KANSL1L: variants seen among roughly 807,000 people sequenced by gnomAD.
KANSL1L encodes KAT8 regulatory NSL complex subunit 1 like.
In KANSL1L, 25 loss-of-function variants were observed where a neutral mutation model predicts 108.6. That is an observed-to-expected ratio of 0.23 (90% CI 0.17 to 0.32). The LOEUF is 0.32. KANSL1L is among the 10% of genes least tolerant of loss of function. The pLI, the probability that KANSL1L is intolerant of heterozygous loss-of-function variation, is 1.00. For missense variants in KANSL1L, 1,137 were observed against 1,125.7 expected, an observed-to-expected ratio of 1.01 and a Z score of -0.14; for synonymous variants, 405 against 395.1, an observed-to-expected ratio of 1.03 and a Z score of -0.30.
At chr2:210,079,896 G>A (rs1575489946) in intron 5 of KANSL1L, 1 of 147,846 alleles carries the variant, frequency 6.8e-6, no homozygotes, top group South Asian at 2.1e-4. Context: ...AACATAACTT[G>A]TTCTGAAAAG....
intron 6 of KANSL1L, among the ~76,000 whole-genome samples, chr2:210,057,590 A>G (rs375927091): frequency 2.0e-5 from 3 of 152,044 alleles, no homozygotes; most frequent in African/African-American, 7.2e-5. Flanking sequence ...AGTCCCAGCT[A>G]CTCGGGAGGC....
intron 5 of KANSL1L, among the ~76,000 whole-genome samples, chr2:210,093,542 T>G (rs771214705): frequency 6.6e-6 from 1 of 152,130 alleles, no homozygotes; most frequent in Non-Finnish European, 1.5e-5. Flanking sequence ...CCAAAAGATA[T>G]CAAAACTTCA....
rs765933021 is a variant in KANSL1L, at chr2:210,025,074, A to G, written c.2564+30T>C. 13 of 1,363,722 alleles carry G rather than the reference A, an allele frequency of 9.5e-6. 1 individual carries two copies. Among genetic ancestry groups the G allele is most frequent in the South Asian group, 7.0e-5 (6 of 86,134 alleles). 84.5% of individuals were successfully genotyped at this position (1,363,722 alleles called of 1,614,324 possible). A position where few individuals can be genotyped will look rare whatever the true frequency, so the allele number is the denominator to read the frequency against. ...GTTTTGTTCATTTCACATGGATTCT[A>G]TGGCTTGGGGTTTTAAATTTGTAAC... On this transcript the variant is annotated intron_variant, in intron 13 of 14. Coordinates refer to ENST00000281772, the MANE Select transcript of KANSL1L (RefSeq NM_152519.4).
At chr2:210,074,943 G>A (rs893627923) in intron 6 of KANSL1L, among the ~76,000 whole-genome samples, 4 of 152,080 alleles carry the variant, frequency 2.6e-5, no homozygotes, top group African/African-American at 9.7e-5. Flanking sequence ...TGGTTTAGAA[G>A]TACACTAAAG....
At chr2:210,125,255 A>T (rs919085903) in intron 3 of KANSL1L, among the ~76,000 whole-genome samples, 3 of 152,072 alleles carry the variant, frequency 2.0e-5, no homozygotes, top group Admixed American at 6.6e-5. Flanking sequence ...ACTCCAACTC[A>T]AAAGAAAAGA....
chr2:210,099,530 T>A (rs1559554599), intron 4 of KANSL1L, among the ~76,000 whole-genome samples: 1 of 152,210 alleles, frequency 6.6e-6, no homozygotes, highest in East Asian at 1.9e-4. Context: ...AAATTATTAC[T>A]CAGTTTTTAG....
At chr2:210,100,670 G>A (rs148161754) in intron 4 of KANSL1L, among the ~76,000 whole-genome samples, 41 of 152,212 alleles carry the variant, frequency 2.7e-4, no homozygotes, top group African/African-American at 8.4e-4. Context: ...ACAGTGTCTC[G>A]TTCTGTCATC....
In KANSL1L at chr2:210,129,058, G is replaced by A. The variant is rs1452680204; in HGVS notation, c.1203C>T (p.Asp401=). Residue 401 remains aspartate, a synonymous_variant, in exon 3 of 15, where the codon GAC becomes GAT. Transcript: ENST00000281772. ...DLECKIQQLT[D]IHRQIRASKG... is the part of the protein sequence containing the mutation. ...TGGAGGCACGAATTTGCCTGTGAAT[G>A]TCTGTTAGTTGTTGGATTTTGCATT... The A allele has an allele frequency of 1.6e-5, 26 of 1,613,744 alleles. No homozygotes were observed. The highest frequency in any genetic ancestry group is 1.2e-5 in the Non-Finnish European group (14 of 1,179,806).
chr2:210,141,280 T>C (rs1029601114), intron 2 of KANSL1L, among the ~76,000 whole-genome samples: 2 of 152,048 alleles, frequency 1.3e-5, no homozygotes, highest in Admixed American at 1.3e-4. Context: ...CCAGTATATG[T>C]TGAATAGATT....
intron 5 of KANSL1L, chr2:210,096,289 A>C (rs929715297): frequency 6.4e-6 from 1 of 155,206 alleles, no homozygotes; most frequent in African/African-American, 2.4e-5. Context: ...GCCAGTATTC[A>C]AACAACTACA....
chr2:210,142,594 G>A (rs1364866978), intron 2 of KANSL1L, among the ~76,000 whole-genome samples: 1 of 152,030 alleles, frequency 6.6e-6, no homozygotes, highest in East Asian at 1.9e-4. Context: ...TTTCAATGTA[G>A]GTGTTTATTG....
intron 5 of KANSL1L, among the ~76,000 whole-genome samples, chr2:210,094,727 A>G (rs2094720906): frequency 1.3e-5 from 2 of 152,216 alleles, no homozygotes; most frequent in East Asian, 3.9e-4. Context: ...TATTTTATAG[A>G]AAGTTCAATT....
At chr2:210,032,574 AGACT>A (rs1208900012) in intron 8 of KANSL1L, 1 of 152,272 alleles carries the variant, frequency 6.6e-6, no homozygotes. Flanking sequence ...TATCTCAGTC[AGACT>A]AACAGAATCA....
chr2:210,079,644 A>ATATATATGTGTG (rs1553653225), intron 5 of KANSL1L, among the ~76,000 whole-genome samples: 7 of 8,982 alleles, frequency 7.8e-4, no homozygotes, highest in Non-Finnish European at 2.3e-3. Flanking sequence ...ATATATATAT[A>ATATATATGTGTG]TATATATATA....
In KANSL1L at chr2:210,104,225, G is replaced by C; in HGVS notation, c.1307C>G (p.Ala436Gly). ...KKQMQFADQA[A>G]SLNILGNPQV... ...AGGATTCCCTAGAATGTTTAGTGAA[G>C]CTGCTTGGTCTGCAAATTGCATTTG... Residue 436 changes from alanine to glycine, a missense_variant, in exon 4 of 15, where the codon GCT (alanine) becomes GGT (glycine). This residue lies in a region of KANSL1L where 556 missense variants were observed against 537.7 expected (regional missense o/e 1.03). Transcript: ENST00000281772. The C allele has an allele frequency of 6.2e-7, 1 of 1,613,822 alleles. No homozygotes were observed. The highest frequency in any genetic ancestry group is 8.5e-7 in the Non-Finnish European group (1 of 1,179,784).
chr2:210,171,595 G>A (rs1688346827), upstream of KANSL1L: 1 of 152,294 alleles, frequency 6.6e-6, no homozygotes, highest in Admixed American at 6.5e-5. Flanking sequence ...CGGCTCCCTC[G>A]GGACGGGTTC....
At chr2:210,103,331 A>G (rs1430030657) in intron 4 of KANSL1L, among the ~76,000 whole-genome samples, 2 of 149,842 alleles carry the variant, frequency 1.3e-5, no homozygotes, top group African/African-American at 4.9e-5. Flanking sequence ...GGGGTGGGGG[A>G]AGGGGGGAGG....
intron 8 of KANSL1L, among the ~76,000 whole-genome samples, chr2:210,034,969 A>G (rs1433219071): frequency 6.6e-6 from 1 of 152,184 alleles, no homozygotes; most frequent in Non-Finnish European, 1.5e-5. Context: ...CAGACCACAA[A>G]TGAAATTTAG....
At chr2:210,061,259 C>A (rs577767301) in intron 6 of KANSL1L, among the ~76,000 whole-genome samples, 1 of 152,144 alleles carries the variant, frequency 6.6e-6, no homozygotes, top group Non-Finnish European at 1.5e-5. Context: ...CAACCCGCTT[C>A]TATAGAAAGT....
Sources: gnomAD v4.1 joint callset for allele counts (sites outside exome capture counted in the v4.1 genomes callset) on GRCh38, gnomAD v4.1.1 for gene constraint, gnomAD v4.1.1 regional missense constraint, MANE v1.5 for transcripts, NCBI Gene and HGNC (gene_info 2026-07-23, HGNC 2026-07-21) for gene names.